The following CSMD1 variants were observed in gnomAD, a reference collection of about 807,000 sequenced individuals.
The protein encoded by CSMD1 is CUB and sushi domain-containing protein 1.
Under a neutral mutation model 417.5 loss-of-function variants are expected in CSMD1, and 213 were observed. The ratio of observed to expected loss-of-function variants is 0.51; its 90% CI spans 0.46 to 0.57. CSMD1 has a LOEUF of 0.57. CSMD1 is among the 20% of genes least tolerant of loss of function. The pLI is 0.00. For synonymous variants in CSMD1, 2,862 were observed against 1,736.8 expected (o/e 1.65, Z -16.11); for missense variants, 6,923 against 4,529.7 (o/e 1.53, Z -15.17).
At chr8:4,402,827 T>C (rs1476919619) in intron 3 of CSMD1, among the ~76,000 whole-genome samples, 6 of 105,448 alleles carry the variant, frequency 5.7e-5, no homozygotes, top group African/African-American at 1.7e-4. Context: ...TTTTCTTTTT[T>C]TTTTTTTTTT....
At chr8:4,742,099 C>G (rs577676780) in intron 1 of CSMD1, among the ~76,000 whole-genome samples, 1 of 138,206 alleles carries the variant, frequency 7.2e-6, no homozygotes, top group East Asian at 2.2e-4. Flanking sequence ...GGCGCAATCT[C>G]GGCTCACTGC....
chr8:3,687,325 T>G lies in CSMD1; in HGVS notation c.1009+21089A>C, dbSNP rs553768295. Among the ~76,000 whole-genome samples, 5 of 152,316 alleles carry G rather than the reference T, an allele frequency of 3.3e-5. No homozygotes were observed. The East Asian group carries it at 7.7e-4, about 24-fold the overall frequency. ...ATGGATGAAAAGGTGATCTGCTCCA[T>G]GTAAGGCTGCAGAAGGCTGACTCTG... is the stretch of plus-strand genomic sequence containing the variant. On this transcript the variant is annotated intron_variant, in intron 7 of 69. Coordinates refer to ENST00000635120, the MANE Select transcript of CSMD1 (RefSeq NM_033225.6).
chr8:4,530,751 G>T (rs949382448), intron 2 of CSMD1, among the ~76,000 whole-genome samples: 2 of 150,878 alleles, frequency 1.3e-5, no homozygotes, highest in Non-Finnish European at 2.9e-5. Flanking sequence ...ATCACTGATG[G>T]GCATTTGGGT....
At chr8:4,087,862 G>A (rs1226560245) in intron 3 of CSMD1, among the ~76,000 whole-genome samples, 1 of 151,962 alleles carries the variant, frequency 6.6e-6, no homozygotes, top group Non-Finnish European at 1.5e-5. Context: ...ACGTGACCTA[G>A]GTGAATTTCT....
intron 9 of CSMD1, among the ~76,000 whole-genome samples, 173 bp from the exon 10 acceptor site, chr8:3,575,239 T>G (rs1033004180): frequency 2.0e-5 from 3 of 151,568 alleles, no homozygotes; most frequent in African/African-American, 7.3e-5. Flanking sequence ...AGTGGATTGC[T>G]CAGCCGGCAG....
At chr8:3,562,941 T>C (rs988708151) in intron 10 of CSMD1, among the ~76,000 whole-genome samples, 1 of 151,766 alleles carries the variant, frequency 6.6e-6, no homozygotes, top group Non-Finnish European at 1.5e-5. Flanking sequence ...AACCAAACCA[T>C]CCATTTAGTA....
intron 49 of CSMD1, among the ~76,000 whole-genome samples, chr8:3,064,634 G>A (rs1188046615): frequency 6.6e-6 from 1 of 152,202 alleles, no homozygotes; most frequent in Non-Finnish European, 1.5e-5. Context: ...AAACGTGGAA[G>A]GTTGATAAGA....
At chr8:3,808,983 G>A (rs1341741767) in intron 5 of CSMD1, among the ~76,000 whole-genome samples, 4 of 152,250 alleles carry the variant, frequency 2.6e-5, no homozygotes, top group South Asian at 2.1e-4. Context: ...TGGTTAAACA[G>A]GTTTGAGTCA....
At chr8:4,129,450 G>A (rs972478073) in intron 3 of CSMD1, among the ~76,000 whole-genome samples, 1 of 152,160 alleles carries the variant, frequency 6.6e-6, no homozygotes, top group Non-Finnish European at 1.5e-5. Context: ...TGAGACAGGT[G>A]CATGGGAGAT....
At chr8:3,153,417 C>G (rs1819323183) in intron 39 of CSMD1, among the ~76,000 whole-genome samples, 1 of 152,200 alleles carries the variant, frequency 6.6e-6, no homozygotes, top group Non-Finnish European at 1.5e-5. Context: ...TCACTTTACT[C>G]TACGGATTCG....
chr8:3,026,090 T>A (rs1355298195), intron 51 of CSMD1, among the ~76,000 whole-genome samples: 7 of 151,938 alleles, frequency 4.6e-5, no homozygotes, highest in Admixed American at 4.6e-4. Context: ...TTTGAGTTAA[T>A]AAAAAATGAG....
At chr8:3,930,416 A>G (rs1231076141) in intron 5 of CSMD1, among the ~76,000 whole-genome samples, 1 of 150,718 alleles carries the variant, frequency 6.6e-6, no homozygotes, top group Non-Finnish European at 1.5e-5. Flanking sequence ...TGGTCCAAGC[A>G]AGCATTAGGT....
At chr8:4,107,005 C>A (rs972443055) in intron 3 of CSMD1, among the ~76,000 whole-genome samples, 10 of 152,140 alleles carry the variant, frequency 6.6e-5, no homozygotes, top group Admixed American at 1.3e-4. Flanking sequence ...ACAACACTAA[C>A]AGGAGAGAAA....
At chr8:4,601,959 C>G (rs1369933991) in intron 2 of CSMD1, among the ~76,000 whole-genome samples, 1 of 152,114 alleles carries the variant, frequency 6.6e-6, no homozygotes, top group Non-Finnish European at 1.5e-5. Flanking sequence ...CTGGAGGAAC[C>G]TCCTCAGAGC....
chr8:4,108,575 T>A (rs1801690248), intron 3 of CSMD1, among the ~76,000 whole-genome samples: 1 of 152,186 alleles, frequency 6.6e-6, no homozygotes, highest in East Asian at 1.9e-4. Flanking sequence ...TGATATGCCA[T>A]CCCTTTAGAT....
At chr8:4,053,984 G>C (rs1798565572) in intron 3 of CSMD1, among the ~76,000 whole-genome samples, 1 of 152,168 alleles carries the variant, frequency 6.6e-6, no homozygotes, top group Admixed American at 6.6e-5. Context: ...ATATAAGGAA[G>C]TTAAGAACCT....
In CSMD1 at chr8:4,637,621, A is replaced by C. The variant is rs970634183; in HGVS notation, c.86-63T>G. The C allele has an allele frequency of 7.1e-6, 7 of 985,862 alleles. No homozygotes were observed. In the African/African-American group the frequency reaches 8.3e-5, roughly 12 times the overall value. 61.1% of individuals were successfully genotyped at this position (985,862 alleles called of 1,614,324 possible). A position where few individuals can be genotyped will look rare whatever the true frequency, so the allele number is the denominator to read the frequency against. ...TGGCCATCTTTAATCTGTGATTTAA[A>C]AAATTTCTAAACACTTTAGCCAATT... is the stretch of plus-strand genomic sequence containing the variant. On this transcript the variant is annotated intron_variant, in intron 1 of 69. Coordinates refer to ENST00000635120, the MANE Select transcript of CSMD1 (RefSeq NM_033225.6).
chr8:3,237,628 T>TTATAA (rs1799231260), intron 26 of CSMD1, among the ~76,000 whole-genome samples: 2 of 139,322 alleles, frequency 1.4e-5, no homozygotes, highest in African/African-American at 5.1e-5. Context: ...AAATATATTT[T>TTATAA]TTATACTTAT....
At chr8:4,160,006 T>C (rs1393819497) in intron 3 of CSMD1, among the ~76,000 whole-genome samples, 1 of 151,944 alleles carries the variant, frequency 6.6e-6, no homozygotes, top group African/African-American at 2.4e-5. Context: ...GCTCTGGTGA[T>C]GGGTGCACCA....
Sources: allele counts gnomAD v4.1 joint callset (sites outside exome capture counted in the v4.1 genomes callset), GRCh38; gene constraint gnomAD v4.1.1; transcripts MANE v1.5; gene names NCBI Gene and HGNC (gene_info 2026-07-23, HGNC 2026-07-21).